DCDC1: variants seen among roughly 807,000 people sequenced by gnomAD.
DCDC1 encodes doublecortin domain containing 1, also known as doublecortin domain-containing protein 1.
A neutral mutation model predicts 178.3 loss-of-function variants in DCDC1; 200 were observed. That is an observed-to-expected ratio of 1.12 (90% confidence interval 1.00 to 1.26). The LOEUF (loss-of-function observed/expected upper bound fraction) is 1.26. Ranked by LOEUF, DCDC1 falls within the 50% of genes most tolerant of loss-of-function variation. The pLI, the probability that DCDC1 is intolerant of heterozygous loss-of-function variation, is 0.00. For synonymous variants in DCDC1, 690 were observed against 604.8 expected (o/e 1.14, Z -2.07); for missense variants, 1,983 against 1,749.2 (o/e 1.13, Z -2.38).
chr11:31,292,362 T>A (rs1295595797), intron 6 of DCDC1, among the ~76,000 whole-genome samples: 1 of 152,148 alleles, frequency 6.6e-6, no homozygotes, highest in Non-Finnish European at 1.5e-5. Flanking sequence ...GGTAACCAAA[T>A]GTCCATCAAT....
chr11:30,913,634 G>A (rs1945617172), intron 27 of DCDC1, among the ~76,000 whole-genome samples: 1 of 152,128 alleles, frequency 6.6e-6, no homozygotes, highest in African/African-American at 2.4e-5. Flanking sequence ...GATGACAAAA[G>A]TACAGAATGT....
At chr11:31,129,521 T>G (rs1320336242) in intron 10 of DCDC1, among the ~76,000 whole-genome samples, 3 of 152,118 alleles carry the variant, frequency 2.0e-5, no homozygotes, top group African/African-American at 7.2e-5. Context: ...ACAGACGATA[T>G]GTAAATGAAT....
At chr11:31,056,368 T>C (rs1465278801) in intron 20 of DCDC1, among the ~76,000 whole-genome samples, 1 of 152,054 alleles carries the variant, frequency 6.6e-6, no homozygotes, top group African/African-American at 2.4e-5. Context: ...AATTACATTA[T>C]TGGAATAGAT....
intron 20 of DCDC1, among the ~76,000 whole-genome samples, chr11:31,022,186 C>A (rs1952918253): frequency 6.6e-6 from 1 of 152,178 alleles, no homozygotes; most frequent in African/African-American, 2.4e-5. Flanking sequence ...AACGTGCCAG[C>A]AAGACCACAG....
At chr11:31,021,049 C>T (rs373685509) in intron 20 of DCDC1, among the ~76,000 whole-genome samples, 1 of 152,024 alleles carries the variant, frequency 6.6e-6, no homozygotes, top group South Asian at 2.1e-4. Context: ...TTAATCTTGC[C>T]AATTGGCAAA....
At position 31,307,826 on chromosome 11, in the gene DCDC1, C is replaced by A. The variant is rs2761591; in HGVS notation, c.247G>T (p.Val83Leu). 1 of 1,613,856 alleles carries A rather than the reference C, an allele frequency of 6.2e-7. No homozygotes were observed. The highest frequency in any genetic ancestry group is 1.3e-5 in the African/African-American group (1 of 74,828). The change falls in exon 4 of 39, where the codon GTG becomes TTG. Residue 83 changes from valine (V) to leucine (L), a missense_variant. Val to Leu is a conservative substitution (Grantham distance 32, BLOSUM62 1). Coordinates refer to ENST00000684477, the MANE Select transcript of DCDC1 (RefSeq NM_001387274.1). Reference protein sequence around the residue: ...LQSQFGPNRLVHSAAVSEGSG... With the variant: ...LQSQFGPNRLLHSAAVSEGSG... ...CCTTCTGATACTGCTGCTGAATGCA[C>A]GAGTCTGTTGGGGCCAAACTGAGAC...
intron 9 of DCDC1, among the ~76,000 whole-genome samples, chr11:31,203,272 G>A (rs560047837): frequency 5.3e-5 from 8 of 152,092 alleles, no homozygotes; most frequent in African/African-American, 1.9e-4. Flanking sequence ...TAATAAAAAG[G>A]CAAAAATGAA....
intron 11 of DCDC1, among the ~76,000 whole-genome samples, chr11:31,126,267 T>C (rs1446957608): frequency 1.3e-5 from 2 of 152,312 alleles, no homozygotes; most frequent in Non-Finnish European, 2.9e-5. Context: ...GCAAGTACTT[T>C]GCAAAATTGC....
intron 38 of DCDC1, among the ~76,000 whole-genome samples, chr11:30,869,955 C>T (rs762970412): frequency 6.6e-6 from 1 of 151,892 alleles, no homozygotes; most frequent in Admixed American, 6.6e-5. Context: ...ACAAAGAATT[C>T]GATAGAAGCA....
chr11:30,934,581 A>G lies in DCDC1; in HGVS notation c.2716-2629T>C, dbSNP rs541221667. Among the ~76,000 whole-genome samples the G allele has an allele frequency of 5.5e-4, 83 of 152,164 alleles. 1 individual carries two copies. Among genetic ancestry groups the G allele is most frequent in the Non-Finnish European group, 9.0e-4 (61 of 68,022 alleles). ...GGAGTGGTTCATATTCCCTACAGAG[A>G]ATGAAGGGATTGCTCTGGGATCCGA... On this transcript the variant is annotated intron_variant, in intron 21 of 38. Transcript: ENST00000684477.
At chr11:30,924,986 T>C (rs554203677) in intron 23 of DCDC1, among the ~76,000 whole-genome samples, 2 of 152,054 alleles carry the variant, frequency 1.3e-5, no homozygotes, top group South Asian at 4.2e-4. Context: ...GGTGGAAGAA[T>C]TGCTTGAGCA....
chr11:31,165,478 A>AT (rs1363561665), intron 9 of DCDC1, among the ~76,000 whole-genome samples: 2 of 151,956 alleles, frequency 1.3e-5, no homozygotes, highest in African/African-American at 2.4e-5. Flanking sequence ...CGCTCAGCTA[A>AT]TTTTTTTATT....
chr11:31,166,262 T>C (rs1248653911), intron 9 of DCDC1, among the ~76,000 whole-genome samples: 1 of 152,212 alleles, frequency 6.6e-6, no homozygotes, highest in Non-Finnish European at 1.5e-5. Flanking sequence ...ATTTGTTTTA[T>C]TGATGAGTAT....
chr11:31,038,714 G>T (rs566783829), intron 20 of DCDC1, among the ~76,000 whole-genome samples: 2 of 152,164 alleles, frequency 1.3e-5, no homozygotes, highest in Non-Finnish European at 2.9e-5. Context: ...GTGGTTAATA[G>T]TGCTCCTGGC....
chr11:31,251,201 G>A (rs763315651), intron 8 of DCDC1, among the ~76,000 whole-genome samples: 30 of 152,246 alleles, frequency 2.0e-4, no homozygotes, highest in African/African-American at 6.3e-4. Context: ...CTGCCAAGTC[G>A]TTTTATTAAT....
chr11:30,878,150 G>T (rs573450663), intron 38 of DCDC1, among the ~76,000 whole-genome samples: 1 of 152,118 alleles, frequency 6.6e-6, no homozygotes, highest in African/African-American at 2.4e-5. Flanking sequence ...AATGCGGAGG[G>T]TAATAACCTT....
intron 7 of DCDC1, among the ~76,000 whole-genome samples, chr11:31,282,077 T>C (rs999844892): frequency 6.6e-6 from 1 of 152,150 alleles, no homozygotes; most frequent in African/African-American, 2.4e-5. Flanking sequence ...GTCTTTATAA[T>C]GCTAGTCTCA....
chr11:31,278,809 AAAAT>A (rs1209835884), intron 7 of DCDC1, among the ~76,000 whole-genome samples: 2 of 152,174 alleles, frequency 1.3e-5, no homozygotes, highest in African/African-American at 4.8e-5. Flanking sequence ...GTCAATTTAA[AAAAT>A]AAATAACAAT....
At chr11:31,137,992 A>G (rs1459424524) in intron 9 of DCDC1, among the ~76,000 whole-genome samples, 1 of 152,178 alleles carries the variant, frequency 6.6e-6, no homozygotes, top group Non-Finnish European at 1.5e-5. Flanking sequence ...TATTGTTTTG[A>G]GGATTACTAA....
Sources: gnomAD v4.1 joint callset for allele counts (sites outside exome capture counted in the v4.1 genomes callset) on GRCh38, gnomAD v4.1.1 for gene constraint, MANE v1.5 for transcripts, NCBI Gene and HGNC (gene_info 2026-07-23, HGNC 2026-07-21) for gene names.